The following MOB3B variants were observed in gnomAD, a reference collection of about 807,000 sequenced individuals.
MOB3B encodes the protein MOB kinase activator 3B.
Under a neutral mutation model 18.7 loss-of-function variants are expected in MOB3B, and 7 were observed. That is an observed-to-expected ratio of 0.37 (90% confidence interval 0.21 to 0.70). The LOEUF is 0.70. Ranked by LOEUF, MOB3B falls within the 30% of genes least tolerant of loss-of-function variation. MOB3B has a pLI of 0.52. For missense variants in MOB3B, 253 were observed against 281.3 expected, an observed-to-expected ratio of 0.90 and a Z score of 0.72; for synonymous variants, 111 against 99.9, an observed-to-expected ratio of 1.11 and a Z score of -0.66.
chr9:27,395,308 T>C (rs1821783065), intron 2 of MOB3B, among the ~76,000 whole-genome samples: 3 of 152,220 alleles, frequency 2.0e-5, no homozygotes. Context: ...TTGTAAATGT[T>C]CTCACCACAA....
In MOB3B at chr9:27,455,146, A is replaced by G; in HGVS notation, c.405T>C (p.Phe135=). Residue 135 remains phenylalanine, a synonymous_variant, in exon 2 of 4, where the codon TTT becomes TTC. Coordinates refer to ENST00000262244, the MANE Select transcript of MOB3B (RefSeq NM_024761.5). ...TAATGAACTTACCCACGCATGTTGG[A>G]AATATTTCCTCGTTGTTGATCTGAA... is the stretch of plus-strand genomic sequence containing the variant. The part of the protein sequence containing the change: ...IEVQINNEEI[F]PTCVGVPFPK... 6.2e-7 allele frequency: 1 copy of G among 1,614,128 alleles called. No homozygotes were observed. The highest frequency in any genetic ancestry group is 8.5e-7 in the Non-Finnish European group (1 of 1,180,006).
chr9:27,417,281 G>T (rs1000844487), intron 2 of MOB3B, among the ~76,000 whole-genome samples: 1 of 152,114 alleles, frequency 6.6e-6, no homozygotes, highest in Admixed American at 6.5e-5. Flanking sequence ...GGAGAATGGT[G>T]TGAACCTGGG....
At chr9:27,453,878 C>T (rs183716579) in intron 2 of MOB3B, among the ~76,000 whole-genome samples, 1 of 152,130 alleles carries the variant, frequency 6.6e-6, no homozygotes, top group Non-Finnish European at 1.5e-5. Flanking sequence ...TAAGAAATTT[C>T]CACCACTCTG....
At chr9:27,495,686 T>C (rs1368997310) in intron 1 of MOB3B, among the ~76,000 whole-genome samples, 6 of 152,224 alleles carry the variant, frequency 3.9e-5, no homozygotes, top group Non-Finnish European at 7.4e-5. Context: ...TGTTGGTTAG[T>C]GTATTAAAGT....
chr9:27,357,912 A>AAAAAAAAAAAAAAAAAAAAAAAG, intron 3 of MOB3B, among the ~76,000 whole-genome samples: 1 of 110,506 alleles, frequency 9.0e-6, no homozygotes, highest in South Asian at 2.9e-4. Flanking sequence ...AAAAAAAAAA[A>AAAAAAAAAAAAAAAAAAAAAAAG]AAAAAAAAAT....
intron 2 of MOB3B, among the ~76,000 whole-genome samples, chr9:27,403,586 G>A (rs1410014591): frequency 3.9e-5 from 5 of 127,660 alleles, no homozygotes; most frequent in Admixed American, 9.7e-5. Flanking sequence ...AGGCTAGAGC[G>A]CAATGGTGCA....
chr9:27,491,121 T>TGA, intron 1 of MOB3B, among the ~76,000 whole-genome samples: 1 of 152,218 alleles, frequency 6.6e-6, no homozygotes, highest in Non-Finnish European at 1.5e-5. Flanking sequence ...TTCGGAACGA[T>TGA]GAGATAATTA....
chr9:27,478,690 AAGG>A (rs1819598427), intron 1 of MOB3B, among the ~76,000 whole-genome samples: 1 of 152,114 alleles, frequency 6.6e-6, no homozygotes, highest in African/African-American at 2.4e-5. Context: ...AGTTCTGGAG[AAGG>A]AGTAGGTTAT....
chr9:27,418,445 C>A (rs764674927), intron 2 of MOB3B, among the ~76,000 whole-genome samples: 71 of 152,034 alleles, frequency 4.7e-4, no homozygotes, highest in Middle Eastern at 3.2e-3. Flanking sequence ...AAAAAAAATA[C>A]TAGCTAACCA....
chr9:27,435,002 G>C (rs1563867896), intron 2 of MOB3B, among the ~76,000 whole-genome samples: 1 of 151,932 alleles, frequency 6.6e-6, no homozygotes, highest in African/African-American at 2.4e-5. Context: ...AGTCACTCTT[G>C]TAAGAGAAAT....
intron 3 of MOB3B, among the ~76,000 whole-genome samples, chr9:27,352,982 T>C (rs535598904): frequency 6.6e-6 from 1 of 152,354 alleles, no homozygotes; most frequent in African/African-American, 2.4e-5. Flanking sequence ...CTGTTTTCAC[T>C]GACCATCACT....
intron 2 of MOB3B, among the ~76,000 whole-genome samples, chr9:27,420,217 C>T (rs1401560845): frequency 2.6e-5 from 4 of 152,064 alleles, no homozygotes; most frequent in African/African-American, 9.7e-5. Context: ...GGAATGTAAA[C>T]TAGTACAGGC....
At chr9:27,388,271 G>A (rs1821674034) in intron 2 of MOB3B, among the ~76,000 whole-genome samples, 1 of 152,066 alleles carries the variant, frequency 6.6e-6, no homozygotes, top group African/African-American at 2.4e-5. Context: ...ATTTATGTAG[G>A]AGGCTACTCT....
chr9:27,411,196 C>T (rs73646504), intron 2 of MOB3B, among the ~76,000 whole-genome samples: 2,993 of 152,292 alleles, frequency 0.02, 88 homozygotes, highest in African/African-American at 0.067. Context: ...GTAGCTGTAC[C>T]TCTTCTAGGG....
chr9:27,474,226 A>T (rs1819518901), intron 1 of MOB3B, among the ~76,000 whole-genome samples: 1 of 152,176 alleles, frequency 6.6e-6, no homozygotes, highest in South Asian at 2.1e-4. Context: ...TAGTGATAAT[A>T]ATTTATATTT....
At chr9:27,397,789 T>C (rs970381170) in intron 2 of MOB3B, among the ~76,000 whole-genome samples, 1 of 152,236 alleles carries the variant, frequency 6.6e-6, no homozygotes, top group Non-Finnish European at 1.5e-5. Flanking sequence ...CCAATTTCTC[T>C]GCAAGTACTC....
chr9:27,493,851 A>G (rs1027733992), intron 1 of MOB3B, among the ~76,000 whole-genome samples: 12 of 152,230 alleles, frequency 7.9e-5, no homozygotes, highest in Non-Finnish European at 1.5e-4. Flanking sequence ...AAAGAACAGG[A>G]TAACAGCAAT....
intron 2 of MOB3B, among the ~76,000 whole-genome samples, chr9:27,417,655 T>A (rs951804749): frequency 1.3e-5 from 2 of 152,184 alleles, no homozygotes; most frequent in Non-Finnish European, 2.9e-5. Flanking sequence ...TACTTTGGAC[T>A]CTAGCAGCAA....
chr9:27,520,983 C>T (rs1231514698), intron 1 of MOB3B, among the ~76,000 whole-genome samples: 3 of 152,202 alleles, frequency 2.0e-5, no homozygotes, highest in Non-Finnish European at 2.9e-5. Context: ...GGGAGAAGGA[C>T]AGATGTGTAT....
Sources: allele counts gnomAD v4.1 joint callset (sites outside exome capture counted in the v4.1 genomes callset), GRCh38; gene constraint gnomAD v4.1.1; transcripts MANE v1.5; gene names NCBI Gene and HGNC (gene_info 2026-07-23, HGNC 2026-07-21).